The following NAAA variants were observed in gnomAD, a reference collection of about 807,000 sequenced individuals.
NAAA encodes the protein N-acylethanolamine acid amidase.
NAAA carries 39 observed loss-of-function variants against 44.8 expected under a neutral mutation model. The ratio of observed to expected loss-of-function variants is 0.87; its 90% CI spans 0.67 to 1.14. NAAA has a LOEUF of 1.14. Ranked by LOEUF, NAAA falls within the 50% of genes most tolerant of loss-of-function variation. The probability of loss-of-function intolerance (pLI) is 0.00; values close to 1 mark genes in which losing one functional copy is unlikely to be tolerated. For synonymous variants in NAAA, 178 were observed against 191.3 expected (o/e 0.93, Z 0.58); for missense variants, 460 against 467.8 (o/e 0.98, Z 0.15).
intron 8 of NAAA, 50 bp from the exon 9 acceptor site, chr4:75,918,839 T>G (rs1260195040): frequency 1.3e-6 from 2 of 1,544,448 alleles, no homozygotes; most frequent in East Asian, 2.2e-5. Flanking sequence ...GTAGAAGAAA[T>G]ACACATAGAA....
intron 5 of NAAA, among the ~76,000 whole-genome samples, chr4:75,922,252 C>A (rs1294225759): frequency 6.6e-6 from 1 of 151,896 alleles, no homozygotes; most frequent in Non-Finnish European, 1.5e-5. Context: ...AGTTTTCCTG[C>A]CTTATACTTA....
At chr4:75,935,995 AT>A (rs138725752) in intron 3 of NAAA, 113 bp downstream of exon 3, 284,779 of 1,305,328 alleles carry the variant, frequency 0.22, 32,963 homozygotes, top group East Asian at 0.34. Context: ...CAGGGGTGTG[AT>A]TTTTTTGTGT....
chr4:75,936,310 T>C, intron 2 of NAAA, 75 bp from the exon 3 acceptor site: 7 of 1,523,460 alleles, frequency 4.6e-6, no homozygotes, highest in Non-Finnish European at 6.2e-6. Context: ...TTTTCATTTG[T>C]AAAACAAATC....
At chr4:75,925,954 A>G in intron 4 of NAAA, 143 bp from the exon 5 acceptor site, 2 of 736,916 alleles carry the variant, frequency 2.7e-6, no homozygotes, top group Admixed American at 2.5e-5. Context: ...ATACAATGAT[A>G]GTTATGTCAA....
At chr4:75,917,776 T>TA (rs34444403) in intron 9 of NAAA, 9,864 of 371,152 alleles carry the variant, frequency 0.027, 267 homozygotes, top group African/African-American at 0.12. Context: ...TGCTTTCACT[T>TA]AAAAAAAAAA....
rs1728225669 is a variant in NAAA at position 75,940,881 on chromosome 4, G to A, written c.69C>T (p.Ala23=). ...PSLLLLLLAG[A]GLSAASPPAA... is the part of the protein sequence containing the mutation. Reference sequence around the variant, plus strand: ...CTGGGGGCGAGGCGGCTGACAGCCCGGCCCCGGCCAGCAGCAGCAGCAGCA... The same window carrying A: ...CTGGGGGCGAGGCGGCTGACAGCCCAGCCCCGGCCAGCAGCAGCAGCAGCA... The change falls in exon 1 of 11, where the codon GCC becomes GCT. Residue 23 remains alanine (A), a synonymous_variant. Coordinates refer to ENST00000286733, the MANE Select transcript of NAAA (RefSeq NM_014435.4). 4 of 1,560,370 alleles carry A rather than the reference G, an allele frequency of 2.6e-6. No homozygotes were observed. The East Asian group carries it at 9.8e-5, about 38-fold the overall frequency.
Position 75,926,926 on chromosome 4 carries a change from C to T in NAAA, c.590-1115G>A, listed in dbSNP as rs879510772. 2.6e-5 allele frequency among the ~76,000 whole-genome samples: 4 copies of T among 151,838 alleles called. No homozygotes were observed. The South Asian group carries it at 8.3e-4, about 32-fold the overall frequency. Reference sequence around the variant, plus strand: ...GGCTGAGGCAAGAGGATTGCTTGAGCGCTGTTGGTCAAGGCTGCAGTGAGC... The same window carrying T: ...GGCTGAGGCAAGAGGATTGCTTGAGTGCTGTTGGTCAAGGCTGCAGTGAGC... On this transcript the variant is annotated intron_variant, in intron 4 of 10. Transcript: ENST00000286733.
At chr4:75,923,059 AGTTTCTTTT>A (rs1726323541) in intron 5 of NAAA, among the ~76,000 whole-genome samples, 1 of 149,796 alleles carries the variant, frequency 6.7e-6, no homozygotes, top group South Asian at 2.1e-4. Flanking sequence ...TAGGTCCCAG[AGTTTCTTTT>A]GTTATTTCAT....
intron 5 of NAAA, among the ~76,000 whole-genome samples, chr4:75,921,603 C>T (rs1390995558): frequency 6.6e-6 from 1 of 152,162 alleles, no homozygotes; most frequent in Non-Finnish European, 1.5e-5. Flanking sequence ...AATGAGAGTT[C>T]ACATAGGAGA....
At chr4:75,923,831 C>T (rs1726405644) in intron 5 of NAAA, among the ~76,000 whole-genome samples, 1 of 152,124 alleles carries the variant, frequency 6.6e-6, no homozygotes, top group Admixed American at 6.6e-5. Flanking sequence ...AGCCACCGCG[C>T]CCGGCCCATC....
intron 3 of NAAA, among the ~76,000 whole-genome samples, chr4:75,932,668 A>AT (rs567881252): frequency 6.6e-6 from 1 of 150,650 alleles, no homozygotes; most frequent in African/African-American, 2.4e-5. Flanking sequence ...TATATACAAA[A>AT]TTTTTTTTTG....
intron 8 of NAAA, 193 bp downstream of exon 8, chr4:75,919,716 G>C: frequency 1.6e-6 from 1 of 614,888 alleles, no homozygotes; most frequent in Non-Finnish European, 2.9e-6. Context: ...CTGACCTCGT[G>C]ATCTGCCTGC....
intron 3 of NAAA, among the ~76,000 whole-genome samples, chr4:75,932,801 G>A (rs1578076979): frequency 6.6e-6 from 1 of 151,826 alleles, no homozygotes; most frequent in Non-Finnish European, 1.5e-5. Flanking sequence ...ACCACAGCTA[G>A]CCTTTATCAG....
chr4:75,931,108 C>A lies in NAAA; in HGVS notation c.589+106G>T, dbSNP rs1727188512. On this transcript the variant is annotated intron_variant, in intron 4 of 10. Coordinates refer to ENST00000286733, the MANE Select transcript of NAAA (RefSeq NM_014435.4). ...TCTCCCCCTAGGATGGAAGTCCCTG[C>A]CACATAGTGGGTGTTCTGTATATTC... 8.5e-6 allele frequency: 7 copies of A among 823,670 alleles called. No homozygotes were observed. In the East Asian group the frequency reaches 1.8e-4, roughly 21 times the overall value. 51.0% of individuals were successfully genotyped at this position (823,670 alleles called of 1,614,324 possible). A position where few individuals can be genotyped will look rare whatever the true frequency, so the allele number is the denominator to read the frequency against.
chr4:75,939,010 C>T (rs1313675482), intron 2 of NAAA, among the ~76,000 whole-genome samples: 3 of 152,036 alleles, frequency 2.0e-5, no homozygotes, highest in African/African-American at 7.3e-5. Context: ...GCCACCAGGC[C>T]CTGGTAATTT....
At chr4:75,934,591 T>C (rs1312098911) in intron 3 of NAAA, among the ~76,000 whole-genome samples, 1 of 151,426 alleles carries the variant, frequency 6.6e-6, no homozygotes, top group Non-Finnish European at 1.5e-5. Context: ...CCTCCCAAAG[T>C]GTTGGGATTA....
At chr4:75,924,604 T>C (rs1726483238) in intron 5 of NAAA, among the ~76,000 whole-genome samples, 1 of 152,230 alleles carries the variant, frequency 6.6e-6, no homozygotes, top group Non-Finnish European at 1.5e-5. Flanking sequence ...GCTTCTAATG[T>C]GTTTGCTTTG....
At chr4:75,917,764 C>A (rs1725761621) in intron 9 of NAAA, 2 of 405,434 alleles carry the variant, frequency 4.9e-6, no homozygotes, top group Non-Finnish European at 9.7e-6. Flanking sequence ...CCGCACCTGG[C>A]CTGCTTTCAC....
At position 75,913,782 on chromosome 4, in the gene NAAA, A is replaced by T. The variant is rs138467269; in HGVS notation, c.*593T>A. ...TTCAAAAAGCAGTAAGAAAGTAGCT[A>T]TTGAGAAAGAAGGAGGGCCATAGGT... On this transcript the variant is annotated 3_prime_UTR_variant, in exon 11 of 11. Coordinates refer to ENST00000286733, the MANE Select transcript of NAAA (RefSeq NM_014435.4). The T allele has an allele frequency of 5.6e-4, 552 of 983,946 alleles. 2 individuals carry two copies. In the African/African-American group the frequency reaches 8.7e-3, roughly 16 times the overall value. 61.0% of individuals were successfully genotyped at this position (983,946 alleles called of 1,614,324 possible).
Sources: gnomAD v4.1 joint callset for allele counts (sites outside exome capture counted in the v4.1 genomes callset) on GRCh38, gnomAD v4.1.1 for gene constraint, MANE v1.5 for transcripts, NCBI Gene and HGNC (gene_info 2026-07-23, HGNC 2026-07-21) for gene names.